SLC12A7: variants seen among roughly 807,000 people sequenced by gnomAD.
SLC12A7 encodes K-Cl cotransporter 4.
Under a neutral mutation model 120.6 loss-of-function variants are expected in SLC12A7, and 100 were observed. That is an observed-to-expected ratio of 0.83 (90% confidence interval 0.71 to 0.98). The LOEUF (loss-of-function observed/expected upper bound fraction) is 0.98, where lower values mean the gene tolerates loss of function less well. Among genes scored for constraint, SLC12A7 ranks in the 50% least tolerant of loss-of-function variants. The pLI is 0.00. For missense variants in SLC12A7, 1,373 were observed against 1,548.1 expected (o/e 0.89, Z 1.90); for synonymous variants, 760 against 678.0 (o/e 1.12, Z -1.88).
upstream of SLC12A7, chr5:1,112,133 C>T (rs901278964): frequency 1.0e-6 from 1 of 999,076 alleles, no homozygotes; most frequent in Non-Finnish European, 1.3e-6. Context: ...CCTGCTTGCC[C>T]CGCGGCCCCA....
At chr5:1,084,600 G>T (rs558744732) in intron 7 of SLC12A7, among the ~76,000 whole-genome samples, 1 of 152,218 alleles carries the variant, frequency 6.6e-6, no homozygotes, top group African/African-American at 2.4e-5. Context: ...GGTCCCCGAG[G>T]GGGAGGGCAG....
the SLC12A7 span, among the ~76,000 whole-genome samples, chr5:1,131,762 C>T: frequency 3.9e-5 from 6 of 152,332 alleles, no homozygotes; most frequent in East Asian, 1.9e-4. Context: ...GTCCAGGACA[C>T]GGGAAAGGGG....
At chr5:1,075,514 G>A (rs1738234873) in intron 14 of SLC12A7, 24 bp from the exon 15 acceptor site, 3 of 1,602,274 alleles carry the variant, frequency 1.9e-6, no homozygotes, top group South Asian at 1.1e-5. Context: ...AAGTGGCTCG[G>A]GGCGGCCCAA....
the SLC12A7 span, among the ~76,000 whole-genome samples, chr5:1,140,400 C>T: frequency 3.3e-5 from 5 of 152,372 alleles, no homozygotes; most frequent in African/African-American, 7.2e-5. Flanking sequence ...TCCCCCCCAC[C>T]GGGTCTGGAA....
chr5:1,075,295 A>G (rs1738198724), intron 15 of SLC12A7, 76 bp downstream of exon 15: 10 of 1,546,194 alleles, frequency 6.5e-6, no homozygotes, highest in Non-Finnish European at 8.8e-6. Context: ...CCCTCCAGGG[A>G]GCTGCCCCAG....
Position 1,064,245 on chromosome 5 carries a change from G to A in SLC12A7, c.2445C>T (p.Val815=). The A allele has an allele frequency of 1.2e-6, 2 of 1,609,968 alleles. No individual in the cohort carries two copies. The highest frequency in any genetic ancestry group is 1.7e-6 in the Non-Finnish European group (2 of 1,178,566). Residue 815 remains valine (V), a synonymous_variant, in exon 19 of 24, where the codon GTC becomes GTT. Transcript: ENST00000264930. ...CCTGGTGCGCGGCGGTGGTGTCGCGGACGGTGTCTGCGGAGAGAGGCGGCC... is the reference window on the plus strand; with the variant it reads ...CCTGGTGCGCGGCGGTGGTGTCGCGAACGGTGTCTGCGGAGAGAGGCGGCC... ...PFSWKNFVDT[V]RDTTAAHQAL... is the part of the protein sequence containing the mutation.
In SLC12A7 at chr5:1,085,274, T is replaced by C. The variant is rs779071375; in HGVS notation, c.875A>G (p.Tyr292Cys). The change falls in exon 7 of 24, where the codon TAT becomes TGT. Residue 292 changes from tyrosine (Y) to cysteine (C), a missense_variant. Physicochemically the swap from Tyr to Cys is radical, Grantham distance 194 (BLOSUM62 -2). Transcript: ENST00000264930. ...ACVVLSILAI[Y>C]AGVIKSAFDP... ...GAAGGCAGACTTGATGACGCCGGCA[T>C]AGATGGCCAGGATGGACAGCACGAC... 5.6e-6 allele frequency: 9 copies of C among 1,612,078 alleles called. No homozygotes were observed. The South Asian group carries it at 7.7e-5, about 14-fold the overall frequency.
At chr5:1,063,510 G>C (rs1039585765) in intron 20 of SLC12A7, among the ~76,000 whole-genome samples, 3 of 152,092 alleles carry the variant, frequency 2.0e-5, no homozygotes, top group Non-Finnish European at 4.4e-5. Context: ...AGCAACACAC[G>C]GGGCTCTGTG....
rs1466130163 is a variant in SLC12A7, at chr5:1,050,859, G to A, written c.*1501C>T. 2 of 398,516 alleles carry A rather than the reference G, an allele frequency of 5.0e-6. No individual in the cohort carries two copies. The highest frequency in any genetic ancestry group is 8.8e-6 in the Non-Finnish European group (2 of 226,068). The allele number at this position is 398,516 out of a possible 1,614,324, so 24.7% of individuals were successfully genotyped here. On this transcript the variant is annotated 3_prime_UTR_variant, in exon 24 of 24. Coordinates refer to ENST00000264930, the MANE Select transcript of SLC12A7 (RefSeq NM_006598.3). The stretch of plus-strand genomic sequence containing the variant: ...CTACAGCAATGCCAGCCCTAGTCTG[G>A]CTCCTCAGAAACATCTGGGGGCACA...
At chr5:1,142,795 C>A in the SLC12A7 span, among the ~76,000 whole-genome samples, 3 of 48,996 alleles carry the variant, frequency 6.1e-5, no homozygotes, top group East Asian at 2.1e-3. Context: ...CATCAGCTGC[C>A]CCCCCCATAC....
chr5:1,054,158 G>T (rs1200106495), intron 22 of SLC12A7, among the ~76,000 whole-genome samples: 1 of 152,154 alleles, frequency 6.6e-6, no homozygotes, highest in Non-Finnish European at 1.5e-5. Context: ...GGCCCACCCT[G>T]CCCCTGTCTG....
At chr5:1,057,398 G>C (rs1044404601) in intron 22 of SLC12A7, 73 bp downstream of exon 22, 4 of 1,465,314 alleles carry the variant, frequency 2.7e-6, no homozygotes, top group Non-Finnish European at 3.7e-6. Context: ...GGTCAGGGAA[G>C]GGACTCTGTC....
chr5:1,113,479 A>G, upstream of SLC12A7, among the ~76,000 whole-genome samples: 1 of 152,204 alleles, frequency 6.6e-6, no homozygotes, highest in East Asian at 1.9e-4. Context: ...TCTTCTGGGC[A>G]GAAGCTGTAG....
the SLC12A7 span, among the ~76,000 whole-genome samples, chr5:1,140,453 C>T: frequency 3.3e-5 from 5 of 152,218 alleles, no homozygotes; most frequent in South Asian, 2.1e-4. Flanking sequence ...GCAGCTCCAG[C>T]GAGGCGGTGC....
chr5:1,055,303 G>A (rs558978417), intron 22 of SLC12A7, among the ~76,000 whole-genome samples: 63 of 152,328 alleles, frequency 4.1e-4, no homozygotes, highest in African/African-American at 1.4e-3. Flanking sequence ...ACACAGACAT[G>A]CACACTAACG....
At chr5:1,062,984 C>G (rs1039283768) in intron 20 of SLC12A7, 1 of 153,376 alleles carries the variant, frequency 6.5e-6, no homozygotes, top group Admixed American at 6.5e-5. Flanking sequence ...GGACCGCCAG[C>G]AGGACCGGAG....
At position 1,073,820 on chromosome 5, in the gene SLC12A7, G is replaced by A. The variant is rs190428733; in HGVS notation, c.2073-19C>T. On this transcript the variant is annotated intron_variant, in intron 16 of 23. Coordinates refer to ENST00000264930, the MANE Select transcript of SLC12A7 (RefSeq NM_006598.3). ...CTGGGGCCTGCAGCCAGGGTGGGGC[G>A]GCTGTTACCACGGCAACGCTTACCA... 3.8e-4 allele frequency: 523 copies of A among 1,394,442 alleles called. 2 individuals are homozygous for A. The African/African-American group carries it at 5.8e-3, about 15-fold the overall frequency. 86.4% of individuals were successfully genotyped at this position (1,394,442 alleles called of 1,614,324 possible). A position where few individuals can be genotyped will look rare whatever the true frequency, so the allele number is the denominator to read the frequency against.
At chr5:1,056,676 A>C (rs751199727) in intron 22 of SLC12A7, 142 of 736,800 alleles carry the variant, frequency 1.9e-4, no homozygotes, top group Admixed American at 1.9e-4. Flanking sequence ...ATGGCTGCCC[A>C]GGAGGACGCC....
At chr5:1,152,806 G>A in the SLC12A7 span, among the ~76,000 whole-genome samples, 2 of 152,120 alleles carry the variant, frequency 1.3e-5, no homozygotes, top group Admixed American at 6.5e-5. Flanking sequence ...GGAGGCCTGC[G>A]GGGATTACTG....
Sources: allele counts gnomAD v4.1 joint callset (sites outside exome capture counted in the v4.1 genomes callset), GRCh38; gene constraint gnomAD v4.1.1; transcripts MANE v1.5; gene names NCBI Gene and HGNC (gene_info 2026-07-23, HGNC 2026-07-21).